The following CACNA1I variants were observed in gnomAD, a reference collection of about 807,000 sequenced individuals.
CACNA1I encodes the protein voltage-dependent T-type calcium channel subunit alpha-1I.
In CACNA1I, 74 loss-of-function variants were observed where a neutral mutation model predicts 201.6. The observed-to-expected ratio is 0.37, with a 90% CI of 0.30 to 0.45. CACNA1I has a LOEUF of 0.45. CACNA1I is among the 20% of genes least tolerant of loss of function. The pLI is 1.00. For missense variants in CACNA1I, 2,346 were observed against 3,138.1 expected, an observed-to-expected ratio of 0.75 and a Z score of 6.03; for synonymous variants, 1,431 against 1,345.2, an observed-to-expected ratio of 1.06 and a Z score of -1.40.
chr22:39,628,520 C>T (rs2146404981), intron 4 of CACNA1I, among the ~76,000 whole-genome samples: 1 of 152,132 alleles, frequency 6.6e-6, no homozygotes, highest in East Asian at 1.9e-4. Context: ...GACCTGAGGC[C>T]TCTCCTGGGA....
At chr22:39,652,883 C>G (rs1422139068) in intron 10 of CACNA1I, among the ~76,000 whole-genome samples, 1 of 152,204 alleles carries the variant, frequency 6.6e-6, no homozygotes, top group Non-Finnish European at 1.5e-5. Flanking sequence ...CCAGCCTGGA[C>G]AACAGAGCAA....
chr22:39,633,642 CA>C (rs142036752), intron 4 of CACNA1I, among the ~76,000 whole-genome samples: 2,988 of 152,300 alleles, frequency 0.02, 78 homozygotes, highest in African/African-American at 0.068. Context: ...TGAAATCTCA[CA>C]GTATGTTTAG....
At chr22:39,675,736 G>A (rs1446969055) in intron 29 of CACNA1I, among the ~76,000 whole-genome samples, 1 of 152,162 alleles carries the variant, frequency 6.6e-6, no homozygotes, top group Non-Finnish European at 1.5e-5. Flanking sequence ...CAGGGGAGGT[G>A]ACCCATGGAC....
chr22:39,647,428 TTTG>T (rs901141413), intron 8 of CACNA1I, among the ~76,000 whole-genome samples: 4 of 152,178 alleles, frequency 2.6e-5, no homozygotes, highest in Non-Finnish European at 5.9e-5. Flanking sequence ...ACTTTTGTTT[TTTG>T]TTGTTGTTGT....
intron 24 of CACNA1I, among the ~76,000 whole-genome samples, chr22:39,669,449 G>A (rs1358079079): frequency 6.6e-6 from 1 of 152,238 alleles, no homozygotes; most frequent in Non-Finnish European, 1.5e-5. Flanking sequence ...CTTGTTTTCT[G>A]CCTTATTTCT....
intron 1 of CACNA1I, among the ~76,000 whole-genome samples, chr22:39,576,810 G>GC (rs992589999): frequency 1.8e-3 from 281 of 152,070 alleles, no homozygotes; most frequent in Non-Finnish European, 3.0e-3. Flanking sequence ...TCGTGGGTGG[G>GC]CCCCCGCCTC....
At chr22:39,658,341 C>CG (rs1569085302) in intron 11 of CACNA1I, 38 bp downstream of exon 11, 12 of 1,598,542 alleles carry the variant, frequency 7.5e-6, no homozygotes, top group Non-Finnish European at 1.0e-5. Flanking sequence ...CAGAGTGCCT[C>CG]GGGGGGACAT....
intron 3 of CACNA1I, among the ~76,000 whole-genome samples, chr22:39,618,276 A>ACT (rs1201232509): frequency 2.5e-4 from 4 of 16,242 alleles, no homozygotes; most frequent in Non-Finnish European, 5.6e-4. Flanking sequence ...CAAGTGTGTG[A>ACT]CTGTGTGTGT....
chr22:39,670,320 G>T (rs1353525116), intron 25 of CACNA1I, 90 bp downstream of exon 25: 2 of 1,350,268 alleles, frequency 1.5e-6, no homozygotes, highest in African/African-American at 1.5e-5. Flanking sequence ...TTTGGAGCTG[G>T]AAGGGAACAA....
At chr22:39,578,408 C>T (rs1394779201) in intron 1 of CACNA1I, among the ~76,000 whole-genome samples, 1 of 152,038 alleles carries the variant, frequency 6.6e-6, no homozygotes, top group Non-Finnish European at 1.5e-5. Flanking sequence ...GGTGGGGCTA[C>T]TGGGAGTGTC....
intron 3 of CACNA1I, among the ~76,000 whole-genome samples, chr22:39,614,649 C>T (rs1933478950): frequency 6.6e-6 from 1 of 152,188 alleles, no homozygotes; most frequent in Non-Finnish European, 1.5e-5. Flanking sequence ...CAGCTGGGGG[C>T]ATGGGATCCT....
rs1331039563 is a variant in CACNA1I at position 39,646,927 on chromosome 22, A to G, written c.1462+46A>G. 1.2e-5 allele frequency: 17 copies of G among 1,450,432 alleles called. No individual in the cohort carries two copies. In the South Asian group the frequency reaches 2.5e-4, roughly 21 times the overall value. The allele number at this position is 1,450,432 out of a possible 1,614,324, so 89.8% of individuals were successfully genotyped here. A position where few individuals can be genotyped will look rare whatever the true frequency, so the allele number is the denominator to read the frequency against. On this transcript the variant is annotated intron_variant, in intron 8 of 36. Transcript: ENST00000402142. ...CGCGGCACTCAGGCACTTCGTGCCA[A>G]GTGTCACTCCTTTCCAGCACGTCCA...
At chr22:39,637,797 G>A (rs1934257516) in intron 5 of CACNA1I, among the ~76,000 whole-genome samples, 1 of 152,178 alleles carries the variant, frequency 6.6e-6, no homozygotes, top group Non-Finnish European at 1.5e-5. Context: ...TTTGTGTCCT[G>A]TTTAAGAAAT....
intron 16 of CACNA1I, 117 bp downstream of exon 16, chr22:39,661,427 G>A (rs1050867231): frequency 1.3e-6 from 1 of 786,890 alleles, no homozygotes; most frequent in Non-Finnish European, 1.9e-6. Flanking sequence ...CCAAAGTCAG[G>A]CAGGGGCCAT....
At chr22:39,575,335 C>A (rs1198734214) in intron 1 of CACNA1I, among the ~76,000 whole-genome samples, 2 of 152,140 alleles carry the variant, frequency 1.3e-5, no homozygotes, top group African/African-American at 4.8e-5. Flanking sequence ...GTGGTAATAC[C>A]CACTCCACAG....
chr22:39,661,364 A>T, intron 16 of CACNA1I, 54 bp downstream of exon 16: 2 of 1,360,242 alleles, frequency 1.5e-6, no homozygotes, highest in African/African-American at 2.9e-5. Context: ...GTGTGTGTGG[A>T]GGGGCCCTGA....
intron 34 of CACNA1I, among the ~76,000 whole-genome samples, chr22:39,682,211 A>G (rs1935725875): frequency 6.6e-6 from 1 of 152,184 alleles, no homozygotes; most frequent in Admixed American, 6.5e-5. Flanking sequence ...GTGGCCACTC[A>G]GCCTGTCTTC....
Position 39,659,866 on chromosome 22 carries a change from T to C in CACNA1I, c.2604+14T>C, listed in dbSNP as rs557890681. On this transcript the variant is annotated intron_variant, in intron 14 of 36. Transcript: ENST00000402142. The surrounding 1 kb of genome is among the most constrained non-coding windows in gnomAD (Gnocchi z 4.3). ...TTCCAGGCGGAGGTGACTGTGGTCTTGGCAGAGGAAGCACCCCCACAGGGT... is the reference window on the plus strand; with the variant it reads ...TTCCAGGCGGAGGTGACTGTGGTCTCGGCAGAGGAAGCACCCCCACAGGGT... 1.2e-6 allele frequency: 2 copies of C among 1,613,600 alleles called. No homozygotes were observed. The highest frequency in any genetic ancestry group is 2.2e-5 in the East Asian group (1 of 44,878).
chr22:39,621,479 C>T (rs1009974521), intron 4 of CACNA1I, among the ~76,000 whole-genome samples: 2 of 152,220 alleles, frequency 1.3e-5, no homozygotes, highest in East Asian at 1.9e-4. Context: ...ATGCATCAGT[C>T]AGTCTGGGCA....
Sources: gnomAD v4.1 joint callset for allele counts (sites outside exome capture counted in the v4.1 genomes callset) on GRCh38, gnomAD v4.1.1 for gene constraint, Gnocchi (gnomAD v3.1) non-coding constraint, MANE v1.5 for transcripts, NCBI Gene and HGNC (gene_info 2026-07-23, HGNC 2026-07-21) for gene names.